The following TNFAIP8L3 variants were observed in gnomAD, a reference collection of about 807,000 sequenced individuals.
TNFAIP8L3 encodes the protein TNF alpha induced protein 8 like 3.
Under a neutral mutation model 11.8 loss-of-function variants are expected in TNFAIP8L3, and 7 were observed. The ratio of observed to expected loss-of-function variants is 0.59; its 90% CI spans 0.34 to 1.11. The LOEUF is 1.11. TNFAIP8L3 is among the 50% of genes most tolerant of loss of function. TNFAIP8L3 has a pLI of 0.03. For missense variants in TNFAIP8L3, 219 were observed against 258.6 expected (o/e 0.85, Z 1.05); for synonymous variants, 98 against 103.8 (o/e 0.94, Z 0.34).
chr15:51,089,223 TCATC>T (rs1404345984), intron 1 of TNFAIP8L3, among the ~76,000 whole-genome samples: 1 of 152,050 alleles, frequency 6.6e-6, no homozygotes, highest in Non-Finnish European at 1.5e-5. Context: ...CACCATCCAT[TCATC>T]CATCCATCCA....
In TNFAIP8L3 at chr15:51,065,321, A is replaced by G. The variant is rs1567287252; in HGVS notation, c.53-6878T>C. The stretch of plus-strand genomic sequence containing the variant: ...GTTTGGAGAGAGAAAGCAAAAGATA[A>G]TTTAAGGGGGGAACTTCACTGCATG... On this transcript the variant is annotated intron_variant, in intron 1 of 1. Coordinates refer to ENST00000637513, the MANE Select transcript of TNFAIP8L3 (RefSeq NM_001311175.2). 2.6e-5 allele frequency among the ~76,000 whole-genome samples: 4 copies of G among 152,188 alleles called. No homozygotes were observed. In the South Asian group the frequency reaches 8.3e-4, roughly 31 times the overall value.
chr15:51,087,233 T>C (rs2065435727), intron 1 of TNFAIP8L3, among the ~76,000 whole-genome samples: 1 of 152,186 alleles, frequency 6.6e-6, no homozygotes. Flanking sequence ...CCACCCTCAC[T>C]TTCTCAGTCT....
In TNFAIP8L3 at chr15:51,068,206, C is replaced by G. The variant is rs2065284135; in HGVS notation, c.53-9763G>C. Among the ~76,000 whole-genome samples, 3 of 152,036 alleles carry G rather than the reference C, an allele frequency of 2.0e-5. No homozygotes were observed. In the South Asian group the frequency reaches 6.2e-4, roughly 32 times the overall value. ...GGGTTCAGGGATGAGTCAAGGATGA[C>G]GATGAGTTGTTTCTTCTAGCTTTAG... On this transcript the variant is annotated intron_variant, in intron 1 of 1. Coordinates refer to ENST00000637513, the MANE Select transcript of TNFAIP8L3 (RefSeq NM_001311175.2).
intron 1 of TNFAIP8L3, among the ~76,000 whole-genome samples, chr15:51,091,724 A>T (rs945586711): frequency 6.6e-6 from 1 of 150,430 alleles, no homozygotes; most frequent in Admixed American, 6.7e-5. Flanking sequence ...ACACGTGCAC[A>T]CACCAGAGAT....
upstream of TNFAIP8L3, among the ~76,000 whole-genome samples, chr15:51,095,908 C>T (rs1268474523): frequency 6.6e-6 from 1 of 152,206 alleles, no homozygotes; most frequent in African/African-American, 2.4e-5. Context: ...AAAAGCGCCA[C>T]TTACTGAACA....
At chr15:51,092,894 C>A (rs2065482341) in intron 1 of TNFAIP8L3, among the ~76,000 whole-genome samples, 1 of 152,188 alleles carries the variant, frequency 6.6e-6, no homozygotes, top group South Asian at 2.1e-4. Context: ...CCTCCTCCCG[C>A]TTCTCCCTCA....
chr15:51,101,814 C>A (rs1469912777), intron 1 of TNFAIP8L3, among the ~76,000 whole-genome samples: 2 of 143,048 alleles, frequency 1.4e-5, no homozygotes, highest in Non-Finnish European at 3.1e-5. Flanking sequence ...GGCGTGATGG[C>A]GGGCGCCTGT....
In TNFAIP8L3 at chr15:51,094,771, C is replaced by G; in HGVS notation, c.-176G>C. On this transcript the variant is annotated 5_prime_UTR_variant, in exon 1 of 2. Coordinates refer to ENST00000637513, the MANE Select transcript of TNFAIP8L3 (RefSeq NM_001311175.2). This position sits in a 1 kb window ranked among gnomAD's most constrained non-coding sequence, Gnocchi z 4.4. The stretch of plus-strand genomic sequence containing the variant: ...GGGGCGGCTCCGCAGAGGCGAGCGC[C>G]GCCGCGCCCCGCTCCCCGCGCCCGC... 1.3e-6 allele frequency: 1 copy of G among 744,808 alleles called. No homozygotes were observed. The highest frequency in any genetic ancestry group is 1.5e-6 in the Non-Finnish European group (1 of 681,600). The allele number at this position is 744,808 out of a possible 1,614,324, so 46.1% of individuals were successfully genotyped here.
At chr15:51,077,049 CTG>C (rs2065356905) in intron 1 of TNFAIP8L3, among the ~76,000 whole-genome samples, 4 of 152,192 alleles carry the variant, frequency 2.6e-5, no homozygotes, top group Admixed American at 1.3e-4. Flanking sequence ...TTCTTTCTCA[CTG>C]TGTAACACCT....
At chr15:51,095,330 A>G (rs1256006123), upstream of TNFAIP8L3, among the ~76,000 whole-genome samples, 1 of 152,064 alleles carries the variant, frequency 6.6e-6, no homozygotes, top group Non-Finnish European at 1.5e-5. Flanking sequence ...AAGTAGTAAG[A>G]CAAGGCGTGT....
At chr15:51,067,649 C>T (rs762485737) in intron 1 of TNFAIP8L3, among the ~76,000 whole-genome samples, 7 of 152,216 alleles carry the variant, frequency 4.6e-5, no homozygotes, top group Non-Finnish European at 1.0e-4. Context: ...ATGCCTCACT[C>T]GTTTGTTCTC....
chr15:51,099,074 A>G (rs952921026), upstream of TNFAIP8L3, among the ~76,000 whole-genome samples: 4 of 152,272 alleles, frequency 2.6e-5, no homozygotes, highest in African/African-American at 9.6e-5. Context: ...TAATTGCTGT[A>G]TATATCCCAA....
intron 1 of TNFAIP8L3, among the ~76,000 whole-genome samples, chr15:51,101,627 A>T (rs1470226638): frequency 9.4e-6 from 1 of 106,742 alleles, no homozygotes; most frequent in East Asian, 2.0e-4. Flanking sequence ...GTCTCAAACA[A>T]AAAAAAAAAA....
chr15:51,098,493 G>T (rs974503386), upstream of TNFAIP8L3, among the ~76,000 whole-genome samples: 2 of 152,198 alleles, frequency 1.3e-5, no homozygotes, highest in African/African-American at 4.8e-5. Context: ...AGGTAAGCTG[G>T]AGAGCAGGGT....
intron 1 of TNFAIP8L3, among the ~76,000 whole-genome samples, chr15:51,081,270 AG>A (rs1046440768): frequency 5.3e-5 from 8 of 152,210 alleles, no homozygotes; most frequent in Non-Finnish European, 8.8e-5. Flanking sequence ...TGGGGAGGAC[AG>A]GGTGAAGTCA....
At chr15:51,104,500 C>A (rs1404044805) in intron 1 of TNFAIP8L3, among the ~76,000 whole-genome samples, 1 of 152,226 alleles carries the variant, frequency 6.6e-6, no homozygotes, top group Non-Finnish European at 1.5e-5. Flanking sequence ...GCATCTGCGC[C>A]ATGTCAGTCT....
At chr15:51,105,054 T>C in exon 1 of TNFAIP8L3, 1 of 1,614,220 alleles carries the variant, frequency 6.2e-7, no homozygotes, top group East Asian at 2.2e-5. Context: ...TGAGTCTTGT[T>C]TGTAACGTGG....
chr15:51,069,965 G>A (rs1021631771), intron 1 of TNFAIP8L3, among the ~76,000 whole-genome samples: 1 of 152,130 alleles, frequency 6.6e-6, no homozygotes, highest in Non-Finnish European at 1.5e-5. Flanking sequence ...CCTACCTAGG[G>A]GAGTTGTATT....
At chr15:51,067,884 G>A (rs897401517) in intron 1 of TNFAIP8L3, among the ~76,000 whole-genome samples, 1 of 152,178 alleles carries the variant, frequency 6.6e-6, no homozygotes, top group Non-Finnish European at 1.5e-5. Flanking sequence ...CCTTCCTCTT[G>A]ACAAGAGCTT....
Sources: allele counts gnomAD v4.1 joint callset (sites outside exome capture counted in the v4.1 genomes callset), GRCh38; gene constraint gnomAD v4.1.1; non-coding constraint Gnocchi (gnomAD v3.1); transcripts MANE v1.5; gene names NCBI Gene and HGNC (gene_info 2026-07-23, HGNC 2026-07-21).